The following ERBB4 variants were observed in gnomAD, a reference collection of about 807,000 sequenced individuals.
ERBB4 encodes the protein receptor tyrosine-protein kinase erbB-4.
ERBB4 carries 42 observed loss-of-function variants against 158.0 expected under a neutral mutation model. That is an observed-to-expected ratio of 0.27 (90% CI 0.21 to 0.34). The LOEUF is 0.34. Among genes scored for constraint, ERBB4 ranks in the 10% least tolerant of loss-of-function variants. The pLI is 1.00. For missense variants in ERBB4, 1,333 were observed against 1,624.1 expected (o/e 0.82, Z 3.08); for synonymous variants, 583 against 558.7 (o/e 1.04, Z -0.61).
At chr2:212,410,973 G>T (rs2106486939) in intron 1 of ERBB4, among the ~76,000 whole-genome samples, 1 of 151,976 alleles carries the variant, frequency 6.6e-6, no homozygotes, top group African/African-American at 2.4e-5. Flanking sequence ...TAAGCAAAAG[G>T]TTTACAATTC....
In ERBB4 at chr2:211,703,167, A is replaced by C. The variant is rs575823413; in HGVS notation, c.1289+937T>G. Among the ~76,000 whole-genome samples the C allele has an allele frequency of 2.6e-5, 4 of 152,080 alleles. No individual in the cohort carries two copies. In the East Asian group the frequency reaches 7.7e-4, roughly 29 times the overall value. On this transcript the variant is annotated intron_variant, in intron 11 of 27. Coordinates refer to ENST00000342788, the MANE Select transcript of ERBB4 (RefSeq NM_005235.3). ...TGTATGCTCAATGATAAAGACTAAG[A>C]TGTAACTCTTTCTCTCAAATTTTGT... is the stretch of plus-strand genomic sequence containing the variant.
intron 3 of ERBB4, among the ~76,000 whole-genome samples, chr2:211,851,544 T>C (rs1187739330): frequency 2.0e-5 from 3 of 152,058 alleles, no homozygotes; most frequent in Non-Finnish European, 2.9e-5. Flanking sequence ...ATAATGGGGA[T>C]GTAGCACAAG....
intron 25 of ERBB4, among the ~76,000 whole-genome samples, chr2:211,397,846 T>C (rs2062952795): frequency 6.6e-6 from 1 of 152,234 alleles, no homozygotes; most frequent in Admixed American, 6.5e-5. Context: ...ACTTTTATTT[T>C]CTGCCCAGAA....
chr2:212,268,098 G>T (rs985666191), intron 1 of ERBB4, among the ~76,000 whole-genome samples: 1 of 151,810 alleles, frequency 6.6e-6, no homozygotes, highest in Non-Finnish European at 1.5e-5. Flanking sequence ...TCTAGAAGAA[G>T]GTAGGAACCA....
intron 1 of ERBB4, among the ~76,000 whole-genome samples, chr2:212,323,029 A>T (rs939857940): frequency 6.6e-6 from 1 of 150,628 alleles, no homozygotes; most frequent in African/African-American, 2.4e-5. Context: ...ACTCACATTT[A>T]AAATAAACTA....
intron 1 of ERBB4, among the ~76,000 whole-genome samples, chr2:212,404,987 CT>C (rs1464489923): frequency 6.6e-6 from 1 of 152,022 alleles, no homozygotes; most frequent in African/African-American, 2.4e-5. Context: ...TGATCTCATT[CT>C]TTTTTATGGC....
intron 2 of ERBB4, among the ~76,000 whole-genome samples, chr2:212,053,337 G>T (rs1452135617): frequency 6.6e-6 from 1 of 152,008 alleles, no homozygotes; most frequent in Admixed American, 6.6e-5. Flanking sequence ...ATTACCCCTG[G>T]ACTGGGCCAA....
At chr2:211,450,707 T>C (rs190164518) in intron 20 of ERBB4, among the ~76,000 whole-genome samples, 25 of 152,312 alleles carry the variant, frequency 1.6e-4, no homozygotes, top group African/African-American at 5.1e-4. Flanking sequence ...TTAAATATTA[T>C]GTCCTCGGAG....
chr2:212,526,513 A>G (rs1476426122), intron 1 of ERBB4, among the ~76,000 whole-genome samples: 4 of 152,084 alleles, frequency 2.6e-5, no homozygotes, highest in South Asian at 2.1e-4. Flanking sequence ...TACGTTTTTA[A>G]AGGTTTCAAT....
chr2:211,848,423 C>T (rs1164019752), intron 3 of ERBB4, among the ~76,000 whole-genome samples: 1 of 152,056 alleles, frequency 6.6e-6, no homozygotes, highest in Non-Finnish European at 1.5e-5. Flanking sequence ...CTAGTCTAGC[C>T]TAATGGAGTA....
intron 1 of ERBB4, chr2:212,125,109 G>A: frequency 1.7e-6 from 1 of 578,484 alleles, no homozygotes; most frequent in East Asian, 3.1e-5. Context: ...TAATCACAGA[G>A]AGTAGGAAGG....
At chr2:211,598,780 C>A (rs1432050013) in intron 19 of ERBB4, among the ~76,000 whole-genome samples, 1 of 152,148 alleles carries the variant, frequency 6.6e-6, no homozygotes, top group Non-Finnish European at 1.5e-5. Flanking sequence ...TATACATGTA[C>A]ACCATGTACT....
chr2:212,505,568 C>A (rs1028317772), intron 1 of ERBB4, among the ~76,000 whole-genome samples: 1 of 148,950 alleles, frequency 6.7e-6, no homozygotes, highest in Non-Finnish European at 1.5e-5. Flanking sequence ...GCTGGCTATG[C>A]CAAAAAGGCG....
At chr2:211,728,127 A>G (rs2074323622) in intron 5 of ERBB4, among the ~76,000 whole-genome samples, 1 of 151,582 alleles carries the variant, frequency 6.6e-6, no homozygotes, top group African/African-American at 2.4e-5. Context: ...TTAATACTGA[A>G]TTTTTCCCAA....
chr2:212,005,608 A>G (rs1044406472), intron 2 of ERBB4, among the ~76,000 whole-genome samples: 2 of 152,160 alleles, frequency 1.3e-5, no homozygotes, highest in African/African-American at 4.8e-5. Flanking sequence ...CAAGCAGCAA[A>G]TACATAAGCT....
intron 2 of ERBB4, among the ~76,000 whole-genome samples, chr2:212,115,038 CA>C (rs1161138361): frequency 6.6e-6 from 1 of 152,078 alleles, no homozygotes; most frequent in African/African-American, 2.4e-5. Context: ...CTTTAACATT[CA>C]ATTACATATT....
intron 1 of ERBB4, among the ~76,000 whole-genome samples, chr2:212,528,721 T>G (rs78625765): frequency 0.02 from 3,116 of 152,244 alleles, 102 homozygotes; most frequent in African/African-American, 0.071. Context: ...TGTCTAGAAG[T>G]GCATTTTCCC....
intron 5 of ERBB4, among the ~76,000 whole-genome samples, chr2:211,742,905 C>A (rs1416887081): frequency 6.6e-6 from 1 of 151,794 alleles, no homozygotes; most frequent in Admixed American, 6.6e-5. Context: ...GATAACCTGG[C>A]AAGTTCTATT....
intron 1 of ERBB4, among the ~76,000 whole-genome samples, chr2:212,227,658 A>G (rs767017361): frequency 2.0e-5 from 3 of 152,218 alleles, no homozygotes; most frequent in Non-Finnish European, 4.4e-5. Flanking sequence ...ATAGAAATAA[A>G]GAAATACATT....
Sources: gnomAD v4.1 joint callset for allele counts (sites outside exome capture counted in the v4.1 genomes callset) on GRCh38, gnomAD v4.1.1 for gene constraint, MANE v1.5 for transcripts, NCBI Gene and HGNC (gene_info 2026-07-23, HGNC 2026-07-21) for gene names.